The following DPF3 variants were observed in gnomAD, a reference collection of about 807,000 sequenced individuals.
The protein encoded by DPF3 is zinc finger protein DPF3.
A neutral mutation model predicts 56.8 loss-of-function variants in DPF3; 18 were observed. The observed-to-expected ratio is 0.32, with a 90% CI of 0.22 to 0.47. The LOEUF is 0.47. Among genes scored for constraint, DPF3 ranks in the 20% least tolerant of loss-of-function variants. DPF3 has a pLI of 1.00. For missense variants in DPF3, 403 were observed against 488.8 expected, an observed-to-expected ratio of 0.82 and a Z score of 1.65; for synonymous variants, 188 against 180.2, an observed-to-expected ratio of 1.04 and a Z score of -0.35.
chr14:72,863,826 A>G (rs1445517748), intron 1 of DPF3, among the ~76,000 whole-genome samples: 1 of 152,190 alleles, frequency 6.6e-6, no homozygotes, highest in Non-Finnish European at 1.5e-5. Flanking sequence ...TGCTGGCAGG[A>G]ATTAAGCACT....
In DPF3 at chr14:72,670,580, C is replaced by T. The variant is rs904738712; in HGVS notation, c.871+3660G>A. 7 of 987,032 alleles carry T rather than the reference C, an allele frequency of 7.1e-6. No individual in the cohort carries two copies. In the African/African-American group the frequency reaches 1.2e-4, roughly 17 times the overall value. 61.1% of individuals were successfully genotyped at this position (987,032 alleles called of 1,614,324 possible). ...ACCGTCTCCCATTGAGGAAATTCTC[C>T]CCACCGGGCGGCTTGCCTCTAAACA... On this transcript the variant is annotated intron_variant, in intron 8 of 10. Coordinates refer to ENST00000556509, the MANE Select transcript of DPF3 (RefSeq NM_001280542.3).
intron 6 of DPF3, among the ~76,000 whole-genome samples, chr14:72,700,371 G>T (rs752371828): frequency 1.3e-5 from 2 of 152,120 alleles, no homozygotes; most frequent in African/African-American, 2.4e-5. Flanking sequence ...AAGGGCCCCC[G>T]CATTTTCATT....
chr14:72,833,125 T>C (rs1122523), intron 1 of DPF3, among the ~76,000 whole-genome samples: 14,941 of 152,198 alleles, frequency 0.098, 876 homozygotes, highest in South Asian at 0.18. Context: ...TGAAAGTAAC[T>C]CAAAGCTAGG....
chr14:72,870,063 A>G (rs892788277), intron 1 of DPF3, among the ~76,000 whole-genome samples: 1 of 152,120 alleles, frequency 6.6e-6, no homozygotes, highest in Non-Finnish European at 1.5e-5. Flanking sequence ...CATGGAAAAA[A>G]CTTTGGACAG....
chr14:72,786,279 A>G (rs1047329274), intron 1 of DPF3, among the ~76,000 whole-genome samples: 13 of 152,044 alleles, frequency 8.6e-5, no homozygotes, highest in African/African-American at 2.7e-4. Flanking sequence ...AAAAAGAAAA[A>G]GAAAATCAAT....
intron 8 of DPF3, among the ~76,000 whole-genome samples, chr14:72,644,227 G>A (rs960161896): frequency 3.9e-5 from 6 of 152,096 alleles, no homozygotes; most frequent in African/African-American, 7.2e-5. Flanking sequence ...AACAAAACCC[G>A]GCACCATCTG....
intron 2 of DPF3, among the ~76,000 whole-genome samples, chr14:72,761,825 G>A (rs1369700002): frequency 1.3e-5 from 2 of 151,810 alleles, no homozygotes; most frequent in South Asian, 2.1e-4. Flanking sequence ...TCAGAATGAT[G>A]AGGTAAAAAA....
At position 72,739,513 on chromosome 14, in the gene DPF3, T is replaced by G. The variant is rs76706387; in HGVS notation, c.302-7579A>C. Among the ~76,000 whole-genome samples the G allele has an allele frequency of 6.2e-3, 948 of 152,236 alleles. 11 individuals carry two copies. The highest frequency in any genetic ancestry group is 0.022 in the African/African-American group (914 of 41,542). ...TACAGTTTCCCTCTCCTTGTGCTTT[T>G]CAGCAAAAAAACCCTCACCTTTCTG... On this transcript the variant is annotated intron_variant, in intron 3 of 10. Transcript: ENST00000556509.
At chr14:72,621,853 G>T (rs1356160236) in intron 9 of DPF3, among the ~76,000 whole-genome samples, 2 of 152,222 alleles carry the variant, frequency 1.3e-5, no homozygotes, top group Non-Finnish European at 2.9e-5. Context: ...TGGTCAGCAA[G>T]CCAGATGATA....
Position 72,616,165 on chromosome 14 carries a change from A to G in DPF3, c.*3132T>C, listed in dbSNP as rs929106575. Among the ~76,000 whole-genome samples, 1 of 152,178 alleles carries G rather than the reference A, an allele frequency of 6.6e-6. No homozygotes were observed. The highest frequency in any genetic ancestry group is 1.5e-5 in the Non-Finnish European group (1 of 68,042). On this transcript the variant is annotated 3_prime_UTR_variant, in exon 11 of 11. Transcript: ENST00000556509. ...TGGATAGGCCATGTTTCCCCACCTT[A>G]CAGACATGTGAAATGAGGCTCAGAG...
chr14:72,879,226 A>G (rs1014316566), intron 1 of DPF3, among the ~76,000 whole-genome samples: 5 of 152,114 alleles, frequency 3.3e-5, no homozygotes, highest in Non-Finnish European at 7.4e-5. Context: ...TCTACTAAAA[A>G]TACAAAATTA....
At chr14:72,836,656 G>A (rs552931482) in intron 1 of DPF3, among the ~76,000 whole-genome samples, 24 of 152,018 alleles carry the variant, frequency 1.6e-4, no homozygotes, top group African/African-American at 5.1e-4. Flanking sequence ...GGGAGCTCCC[G>A]CCCTTGTCTT....
intron 1 of DPF3, among the ~76,000 whole-genome samples, chr14:72,869,737 C>T (rs1885820051): frequency 6.6e-6 from 1 of 152,120 alleles, no homozygotes; most frequent in Non-Finnish European, 1.5e-5. Flanking sequence ...TTCTTGTTAT[C>T]TCCTGAAAAT....
chr14:72,853,034 C>CGTGTGTGTGTGTATGTGTGTGT, intron 1 of DPF3, among the ~76,000 whole-genome samples: 1 of 144,112 alleles, frequency 6.9e-6, no homozygotes, highest in Non-Finnish European at 1.5e-5. Flanking sequence ...CATAGCCTTG[C>CGTGTGTGTGTGTATGTGTGTGT]GTGTGTGTGT....
At chr14:72,800,842 T>C (rs1443007997) in intron 1 of DPF3, among the ~76,000 whole-genome samples, 1 of 152,166 alleles carries the variant, frequency 6.6e-6, no homozygotes, top group Non-Finnish European at 1.5e-5. Flanking sequence ...AGTTATGTAG[T>C]TGCAAGTTGA....
At chr14:72,761,235 T>C (rs899575281) in intron 2 of DPF3, among the ~76,000 whole-genome samples, 3 of 152,120 alleles carry the variant, frequency 2.0e-5, no homozygotes, top group Non-Finnish European at 4.4e-5. Flanking sequence ...CTAATTGATA[T>C]TTATAGAACA....
At chr14:72,856,467 A>C (rs1175328851) in intron 1 of DPF3, among the ~76,000 whole-genome samples, 3 of 152,106 alleles carry the variant, frequency 2.0e-5, no homozygotes, top group African/African-American at 7.2e-5. Context: ...TTCTGGAAAC[A>C]AGCCATTTCT....
At chr14:72,718,093 T>G (rs1027578241) in intron 5 of DPF3, among the ~76,000 whole-genome samples, 1 of 152,172 alleles carries the variant, frequency 6.6e-6, no homozygotes, top group African/African-American at 2.4e-5. Flanking sequence ...AGGAGCCTTA[T>G]GGGGCCATGT....
intron 7 of DPF3, among the ~76,000 whole-genome samples, chr14:72,684,159 AC>A (rs1336705248): frequency 1.3e-5 from 2 of 151,884 alleles, no homozygotes; most frequent in Non-Finnish European, 2.9e-5. Flanking sequence ...CAACCCTCCC[AC>A]CTCAGCCTCC....
Sources: gnomAD v4.1 joint callset for allele counts (sites outside exome capture counted in the v4.1 genomes callset) on GRCh38, gnomAD v4.1.1 for gene constraint, MANE v1.5 for transcripts, NCBI Gene and HGNC (gene_info 2026-07-23, HGNC 2026-07-21) for gene names.